The following PCDHA13 variants were observed in gnomAD, a reference collection of about 807,000 sequenced individuals.
The protein encoded by PCDHA13 is protocadherin alpha 13.
PCDHA13 carries 54 observed loss-of-function variants against 64.8 expected under a neutral mutation model. That is an observed-to-expected ratio of 0.83 (90% CI 0.67 to 1.04). PCDHA13 has a LOEUF of 1.04. Among genes scored for constraint, PCDHA13 ranks in the 50% least tolerant of loss-of-function variants. The probability of loss-of-function intolerance (pLI) is 0.00; values close to 1 mark genes in which losing one functional copy is unlikely to be tolerated. For missense variants in PCDHA13, 1,248 were observed against 1,254.3 expected, an observed-to-expected ratio of 0.99 and a Z score of 0.08; for synonymous variants, 587 against 564.4, an observed-to-expected ratio of 1.04 and a Z score of -0.57.
intron 1 of PCDHA13, among the ~76,000 whole-genome samples, chr5:140,975,592 C>A (rs2096673847): frequency 6.6e-6 from 1 of 152,170 alleles, no homozygotes; most frequent in Non-Finnish European, 1.5e-5. Context: ...TCCCAGAGGG[C>A]AATTTGTTGA....
At chr5:140,962,312 A>G (rs2095671896) in intron 1 of PCDHA13, among the ~76,000 whole-genome samples, 1 of 152,204 alleles carries the variant, frequency 6.6e-6, no homozygotes, top group African/African-American at 2.4e-5. Context: ...TTGTTAGGCC[A>G]TCTCAATTGA....
At chr5:140,993,310 A>G (rs1013688133) in intron 3 of PCDHA13, among the ~76,000 whole-genome samples, 2 of 152,038 alleles carry the variant, frequency 1.3e-5, no homozygotes, top group African/African-American at 4.8e-5. Context: ...CTCCAGGATA[A>G]TACCTTCTAA....
At chr5:140,965,689 A>T (rs2095924180) in intron 1 of PCDHA13, among the ~76,000 whole-genome samples, 2 of 152,266 alleles carry the variant, frequency 1.3e-5, no homozygotes, top group African/African-American at 4.8e-5. Context: ...TTGAAGCAAG[A>T]TTAGAAAAAG....
chr5:140,955,639 C>T (rs2095212239), intron 1 of PCDHA13, among the ~76,000 whole-genome samples: 1 of 152,088 alleles, frequency 6.6e-6, no homozygotes, highest in African/African-American at 2.4e-5. Flanking sequence ...AGTGTGAGAA[C>T]AAATTAATAC....
intron 1 of PCDHA13, chr5:140,929,973 G>A (rs955255771): frequency 6.6e-6 from 1 of 152,136 alleles, no homozygotes; most frequent in Non-Finnish European, 1.5e-5. Context: ...TTTGGTGAAG[G>A]TGTCTTCTTT....
chr5:140,884,068 T>A lies in PCDHA13; in HGVS notation c.1800T>A (p.Asp600Glu), dbSNP rs1554181200. The stretch of plus-strand genomic sequence containing the variant: ...CGAAGGTGCGCGCGGTGGACGCCGA[T>A]TCGGGCTACAATGCGTGGCTTTCGT... Reference protein sequence around the residue: ...VVAKVRAVDADSGYNAWLSYE... With the variant: ...VVAKVRAVDAESGYNAWLSYE... The change falls in exon 1 of 4, where the codon GAT becomes GAA. Residue 600 changes from aspartate (D) to glutamate (E), a missense_variant. By Grantham distance (45) the Asp-to-Glu change is conservative. Transcript: ENST00000289272. The A allele has an allele frequency of 6.2e-7, 1 of 1,613,416 alleles. No homozygotes were observed.
In PCDHA13 at chr5:140,884,485, A is replaced by G. The variant is rs781880810; in HGVS notation, c.2217A>G (p.Leu739=). 8 of 1,613,726 alleles carry G rather than the reference A, an allele frequency of 5.0e-6. No homozygotes were observed. The South Asian group carries it at 6.6e-5, about 13-fold the overall frequency. ...EGACAPGKPT[L]VCSSAAGSWS... Reference sequence around the variant, plus strand: ...CGTGCGCGCCGGGCAAGCCCACTCTAGTGTGCTCCAGCGCGGCAGGGAGTT... The same window carrying G: ...CGTGCGCGCCGGGCAAGCCCACTCTGGTGTGCTCCAGCGCGGCAGGGAGTT... Residue 739 remains leucine (L), a synonymous_variant, in exon 1 of 4, where the codon CTA becomes CTG. Transcript: ENST00000289272.
At chr5:140,971,958 C>G (rs2096508715) in intron 1 of PCDHA13, among the ~76,000 whole-genome samples, 1 of 152,054 alleles carries the variant, frequency 6.6e-6, no homozygotes, top group Non-Finnish European at 1.5e-5. Context: ...ACTCCAAAAA[C>G]TTTTTTTCAA....
chr5:140,983,218 C>T (rs757778991), intron 3 of PCDHA13, among the ~76,000 whole-genome samples: 10 of 152,128 alleles, frequency 6.6e-5, no homozygotes, highest in Non-Finnish European at 1.5e-4. Flanking sequence ...ATTTCCTAAT[C>T]CAAACTTTCA....
At chr5:140,976,884 A>T (rs1423993981) in intron 1 of PCDHA13, among the ~76,000 whole-genome samples, 1 of 152,232 alleles carries the variant, frequency 6.6e-6, no homozygotes, top group Non-Finnish European at 1.5e-5. Context: ...AAGAATTAGG[A>T]TACATGCAAC....
At chr5:141,001,280 G>T (rs1308036863) in intron 3 of PCDHA13, among the ~76,000 whole-genome samples, 2 of 152,162 alleles carry the variant, frequency 1.3e-5, no homozygotes, top group South Asian at 2.1e-4. Context: ...TTTTTTTACG[G>T]ATGAAAACTG....
intron 3 of PCDHA13, among the ~76,000 whole-genome samples, chr5:140,997,576 G>A (rs528258685): frequency 5.9e-5 from 9 of 152,166 alleles, no homozygotes; most frequent in African/African-American, 2.4e-5. Flanking sequence ...TGTGTGGTCC[G>A]TTGTTGACTG....
At chr5:140,893,880 G>T (rs1426434148) in intron 1 of PCDHA13, among the ~76,000 whole-genome samples, 1 of 152,090 alleles carries the variant, frequency 6.6e-6, no homozygotes, top group African/African-American at 2.4e-5. Flanking sequence ...ATCCAAAGTG[G>T]CCAGAAAGTT....
intron 1 of PCDHA13, among the ~76,000 whole-genome samples, chr5:140,920,166 A>G (rs539079245): frequency 2.2e-4 from 34 of 152,328 alleles, no homozygotes; most frequent in African/African-American, 7.9e-4. Flanking sequence ...AACTGTCTTA[A>G]GCAACCCAGT....
At chr5:140,954,221 T>C (rs1237648662) in intron 1 of PCDHA13, among the ~76,000 whole-genome samples, 2 of 152,252 alleles carry the variant, frequency 1.3e-5, no homozygotes, top group African/African-American at 4.8e-5. Flanking sequence ...TTTTTGCTAT[T>C]GTGAATAGTG....
chr5:140,887,707 C>A (rs1554183190), intron 1 of PCDHA13, among the ~76,000 whole-genome samples: 1 of 152,132 alleles, frequency 6.6e-6, no homozygotes, highest in African/African-American at 2.4e-5. Context: ...AACCATACTT[C>A]TTCTAATAGT....
chr5:140,897,629 T>A (rs2066228656), intron 1 of PCDHA13, among the ~76,000 whole-genome samples: 1 of 152,116 alleles, frequency 6.6e-6, no homozygotes, highest in Non-Finnish European at 1.5e-5. Context: ...TACTATTGTG[T>A]ATAGTGCCAC....
chr5:140,948,142 T>G (rs1194720907), intron 1 of PCDHA13, among the ~76,000 whole-genome samples: 1 of 151,674 alleles, frequency 6.6e-6, no homozygotes, highest in Admixed American at 6.6e-5. Flanking sequence ...CTAATTGATT[T>G]TTGAATGTTG....
rs1219426048 is a variant in PCDHA13 at position 140,883,464 on chromosome 5, C to G, written c.1196C>G (p.Ser399Cys). 6.2e-7 allele frequency: 1 copy of G among 1,614,044 alleles called. No homozygotes were observed. Among genetic ancestry groups the G allele is most frequent in the African/African-American group, 1.3e-5 (1 of 74,920 alleles). ...LTPHVPFKLVSTYKNYYSLVL... is the reference protein window; with the variant it reads ...LTPHVPFKLVCTYKNYYSLVL... ...CCGCATGTCCCCTTCAAGCTGGTGT[C>G]CACCTACAAGAACTACTACTCATTA... Residue 399 changes from serine to cysteine, a missense_variant, in exon 1 of 4, where the codon TCC (serine) becomes TGC (cysteine). By Grantham distance (112) the Ser-to-Cys change is moderately radical (BLOSUM62 -1). Coordinates refer to ENST00000289272, the MANE Select transcript of PCDHA13 (RefSeq NM_018904.3).
Sources: gnomAD v4.1 joint callset for allele counts (sites outside exome capture counted in the v4.1 genomes callset) on GRCh38, gnomAD v4.1.1 for gene constraint, MANE v1.5 for transcripts, NCBI Gene and HGNC (gene_info 2026-07-23, HGNC 2026-07-21) for gene names.